Variants in NEK10 observed in about 807,000 individuals in gnomAD.
The protein encoded by NEK10 is serine/threonine-protein kinase Nek10.
NEK10 carries 122 observed loss-of-function variants against 159.8 expected under a neutral mutation model. The observed-to-expected ratio is 0.76, with a 90% CI of 0.66 to 0.89. NEK10 has a LOEUF of 0.89. Among genes scored for constraint, NEK10 ranks in the 40% least tolerant of loss-of-function variants. The pLI is 0.00. For synonymous variants in NEK10, 466 were observed against 457.1 expected (o/e 1.02, Z -0.25); for missense variants, 1,342 against 1,323.1 (o/e 1.01, Z -0.22).
intron 1 of NEK10, among the ~76,000 whole-genome samples, chr3:27,365,350 T>C (rs2048979517): frequency 6.6e-6 from 1 of 152,128 alleles, no homozygotes; most frequent in South Asian, 2.1e-4. Context: ...TTTGTCACTT[T>C]GATTCTGCTG....
intron 5 of NEK10, among the ~76,000 whole-genome samples, chr3:27,341,264 AG>A (rs1395425454): frequency 6.6e-6 from 1 of 152,176 alleles, no homozygotes. Context: ...GTTAGATGAA[AG>A]GTATGAGTTC....
chr3:27,191,555 A>C (rs1007385373), intron 26 of NEK10, among the ~76,000 whole-genome samples: 1 of 152,260 alleles, frequency 6.6e-6, no homozygotes, highest in African/African-American at 2.4e-5. Context: ...AAGAAAAATA[A>C]GACATATTCT....
intron 23 of NEK10, among the ~76,000 whole-genome samples, chr3:27,209,302 A>G (rs1950797133): frequency 1.3e-5 from 2 of 152,308 alleles, no homozygotes; most frequent in African/African-American, 2.4e-5. Flanking sequence ...CTTCTTTGTT[A>G]GTGTTTAAGT....
chr3:27,264,668 G>C (rs943258312), intron 22 of NEK10, among the ~76,000 whole-genome samples: 2 of 152,072 alleles, frequency 1.3e-5, no homozygotes, highest in African/African-American at 4.8e-5. Flanking sequence ...GAGGCAGGTG[G>C]AACAACTGAG....
At chr3:27,308,869 AC>A in intron 10 of NEK10, 56 bp downstream of exon 10, 1 of 743,314 alleles carries the variant, frequency 1.3e-6, no homozygotes, top group Non-Finnish European at 2.2e-6. Flanking sequence ...TTGCATCCTT[AC>A]CACCTAAATT....
In NEK10 at chr3:27,192,119, T is replaced by C. The variant is rs1949172135; in HGVS notation, c.2415A>G (p.Leu805=). 1.9e-6 allele frequency: 3 copies of C among 1,614,234 alleles called. No homozygotes were observed. The highest frequency in any genetic ancestry group is 2.7e-5 in the African/African-American group (2 of 75,060). The change falls in exon 26 of 36, where the codon CTA becomes CTG. Residue 805 remains leucine, a synonymous_variant. Coordinates refer to ENST00000691995, the MANE Select transcript of NEK10 (RefSeq NM_001394966.1). ...STSQLSLEKK[L]ERERRRTQRY... Reference sequence around the variant, plus strand: ...TTTGTGTGCGTCTTCGTTCCCGTTCTAGCTTCTTTTCCAAGGACAACTGGG... The same window carrying C: ...TTTGTGTGCGTCTTCGTTCCCGTTCCAGCTTCTTTTCCAAGGACAACTGGG...
At chr3:27,331,496 A>G (rs1164529436) in intron 5 of NEK10, among the ~76,000 whole-genome samples, 1 of 152,134 alleles carries the variant, frequency 6.6e-6, no homozygotes, top group Admixed American at 6.5e-5. Context: ...AGCTTCATCT[A>G]TTTCAAGAAC....
intron 6 of NEK10, among the ~76,000 whole-genome samples, chr3:27,316,335 A>G (rs2045173256): frequency 1.3e-5 from 2 of 152,230 alleles, no homozygotes; most frequent in Non-Finnish European, 2.9e-5. Flanking sequence ...ACATGAAGAA[A>G]GATTGGAAGA....
chr3:27,142,633 C>T (rs1050664522), intron 30 of NEK10, among the ~76,000 whole-genome samples: 3 of 152,140 alleles, frequency 2.0e-5, no homozygotes, highest in African/African-American at 2.4e-5. Context: ...TCTTTAAAAA[C>T]GCTTCTATTA....
intron 22 of NEK10, among the ~76,000 whole-genome samples, chr3:27,262,887 C>G (rs2149358428): frequency 6.6e-6 from 1 of 152,284 alleles, no homozygotes; most frequent in South Asian, 2.1e-4. Flanking sequence ...AGCTGCATTC[C>G]TTTGGAGGAG....
At chr3:27,262,354 A>G (rs2149355992) in intron 22 of NEK10, among the ~76,000 whole-genome samples, 1 of 152,046 alleles carries the variant, frequency 6.6e-6, no homozygotes, top group African/African-American at 2.4e-5. Context: ...CGTTCTCTGT[A>G]TTTCCTGAAT....
At chr3:27,308,685 T>G (rs893765905) in intron 10 of NEK10, among the ~76,000 whole-genome samples, 1 of 152,256 alleles carries the variant, frequency 6.6e-6, no homozygotes, top group South Asian at 2.1e-4. Context: ...GAGGGTTAGA[T>G]GAAAAGACTA....
At chr3:27,316,321 C>T (rs779727419) in intron 6 of NEK10, among the ~76,000 whole-genome samples, 5 of 151,864 alleles carry the variant, frequency 3.3e-5, no homozygotes, top group South Asian at 2.1e-4. Flanking sequence ...ATATGATCAA[C>T]GGAACATGAA....
intron 30 of NEK10, among the ~76,000 whole-genome samples, chr3:27,152,056 C>A (rs1219540972): frequency 6.6e-6 from 1 of 152,128 alleles, no homozygotes; most frequent in Non-Finnish European, 1.5e-5. Flanking sequence ...ATTCTAAAAG[C>A]TTGGAAAACA....
At chr3:27,248,087 G>A (rs764348245) in intron 23 of NEK10, among the ~76,000 whole-genome samples, 35 of 151,736 alleles carry the variant, frequency 2.3e-4, no homozygotes, top group Non-Finnish European at 4.1e-4. Context: ...TTTCTTCATG[G>A]TTCCATCTTG....
chr3:27,240,810 C>T (rs146161749), intron 23 of NEK10, among the ~76,000 whole-genome samples: 35 of 152,184 alleles, frequency 2.3e-4, no homozygotes, highest in Non-Finnish European at 4.0e-4. Context: ...CACCACCACG[C>T]CTGGCTAATT....
intron 26 of NEK10, among the ~76,000 whole-genome samples, chr3:27,190,245 T>C (rs148322833): frequency 4.3e-4 from 65 of 152,310 alleles, no homozygotes; most frequent in African/African-American, 1.6e-3. Context: ...GCTTTCCCTT[T>C]ATTTTACCTG....
At chr3:27,247,843 G>A (rs1281883773) in intron 23 of NEK10, among the ~76,000 whole-genome samples, 1 of 145,694 alleles carries the variant, frequency 6.9e-6, no homozygotes, top group African/African-American at 2.5e-5. Flanking sequence ...TTTTCTGGAG[G>A]CGTCTTTGTC....
rs142823213 is a variant in NEK10 at position 27,266,101 on chromosome 3, G to A, written c.2015-9730C>T. ...ATTACAGGCGTGAGCCACTGCGCCC[G>A]GCCTACAATTTGCAAATATTTTCTA... On this transcript the variant is annotated intron_variant, in intron 22 of 35. Transcript: ENST00000691995. 5.3e-3 allele frequency among the ~76,000 whole-genome samples: 802 copies of A among 152,180 alleles called. 4 individuals carry two copies. The highest frequency in any genetic ancestry group is 8.0e-3 in the Non-Finnish European group (547 of 68,004).
Sources: gnomAD v4.1 joint callset for allele counts (sites outside exome capture counted in the v4.1 genomes callset) on GRCh38, gnomAD v4.1.1 for gene constraint, MANE v1.5 for transcripts, NCBI Gene and HGNC (gene_info 2026-07-23, HGNC 2026-07-21) for gene names.